RBM34: variants seen among roughly 807,000 people sequenced by gnomAD.
The protein encoded by RBM34 is RNA-binding protein 34.
In RBM34, 39 loss-of-function variants were observed where a neutral mutation model predicts 44.6. The ratio of observed to expected loss-of-function variants is 0.87; its 90% confidence interval spans 0.68 to 1.14. The LOEUF (loss-of-function observed/expected upper bound fraction) is 1.14. Among genes scored for constraint, RBM34 ranks in the 50% most tolerant of loss-of-function variants. The pLI is 0.00. For synonymous variants in RBM34, 194 were observed against 184.0 expected (o/e 1.05, Z -0.44); for missense variants, 572 against 517.9 (o/e 1.10, Z -1.01).
chr1:235,160,734 T>G (rs1662675754), intron 2 of RBM34, 87 bp from the exon 3 acceptor site: 5 of 1,520,642 alleles, frequency 3.3e-6, no homozygotes, highest in Non-Finnish European at 4.5e-6. Flanking sequence ...TAAATGAGAA[T>G]CTCTTCTCTC....
rs185627414 is a variant in RBM34 at position 235,138,106 on chromosome 1, G to A, written c.770C>T (p.Thr257Met). 2.5e-5 allele frequency: 41 copies of A among 1,609,268 alleles called. No homozygotes were observed. In the African/African-American group the frequency reaches 2.9e-4, roughly 12 times the overall value. Residue 257 changes from threonine (T) to methionine (M), a missense_variant, in exon 7 of 11, where the codon ACG becomes ATG. Transcript: ENST00000408888. ...YVVFKEESAA[T>M]QALKRNGAQI... The stretch of plus-strand genomic sequence containing the variant: ...ATAAAATTACCTTTTCAATGCTTGC[G>A]TGGCAGCACTCTCCTCCTTAAACAC...
At chr1:235,151,039 T>C (rs186685275) in intron 5 of RBM34, among the ~76,000 whole-genome samples, 36 of 152,220 alleles carry the variant, frequency 2.4e-4, no homozygotes, top group African/African-American at 8.2e-4. Context: ...CAGTGTTTTG[T>C]TGGACAAATT....
At chr1:235,139,064 A>G (rs1661564904) in intron 6 of RBM34, among the ~76,000 whole-genome samples, 1 of 152,158 alleles carries the variant, frequency 6.6e-6, no homozygotes, top group Non-Finnish European at 1.5e-5. Context: ...CCTTTTGTCA[A>G]TGACTGCAGC....
intron 6 of RBM34, among the ~76,000 whole-genome samples, chr1:235,145,212 C>T (rs957136652): frequency 2.0e-5 from 3 of 151,746 alleles, no homozygotes; most frequent in Non-Finnish European, 4.4e-5. Context: ...AAGATGCTCA[C>T]TCATAAGAGA....
intron 10 of RBM34, 33 bp from the exon 11 acceptor site, chr1:235,132,030 C>T (rs1388505736): frequency 2.0e-6 from 3 of 1,521,982 alleles, no homozygotes; most frequent in Non-Finnish European, 1.8e-6. Flanking sequence ...TTAATTGCTA[C>T]CAGAAACCCA....
Position 235,131,741 on chromosome 1 carries a change from C to T in RBM34, c.1265G>A (p.Arg422His), listed in dbSNP as rs777263723. 63 of 1,602,232 alleles carry T rather than the reference C, an allele frequency of 3.9e-5. No individual in the cohort carries two copies. The highest frequency in any genetic ancestry group is 1.7e-4 in the Middle Eastern group (1 of 5,988). Residue 422 changes from arginine (R) to histidine (H), a missense_variant, in exon 11 of 11, where the codon CGC (arginine) becomes CAC (histidine). Coordinates refer to ENST00000408888, the MANE Select transcript of RBM34 (RefSeq NM_015014.4). ...TKKKGQKKSG[R>H]PKKQRKQK is the part of the protein sequence containing the mutation. Reference sequence around the variant, plus strand: ...TTTCTGTTTTCTCTGTTTCTTAGGGCGTCCACTTTTCTTCTGTCCTTTCTT... The same window carrying T: ...TTTCTGTTTTCTCTGTTTCTTAGGGTGTCCACTTTTCTTCTGTCCTTTCTT...
At chr1:235,159,635 T>C (rs938390737) in intron 3 of RBM34, among the ~76,000 whole-genome samples, 12 of 151,744 alleles carry the variant, frequency 7.9e-5, no homozygotes, top group African/African-American at 2.9e-4. Flanking sequence ...TTTAGGAGGC[T>C]GAGGTGGGTG....
chr1:235,138,687 C>G (rs556954334), intron 6 of RBM34, among the ~76,000 whole-genome samples: 18 of 152,298 alleles, frequency 1.2e-4, no homozygotes, highest in African/African-American at 4.1e-4. Flanking sequence ...ACCACCATTC[C>G]CATTTTTATA....
At chr1:235,157,140 C>T (rs966860908) in intron 3 of RBM34, among the ~76,000 whole-genome samples, 9 of 152,068 alleles carry the variant, frequency 5.9e-5, no homozygotes, top group Admixed American at 2.6e-4. Flanking sequence ...TGAGGAGACA[C>T]TGAAGACTTT....
At chr1:235,149,255 G>A (rs148888287) in intron 5 of RBM34, among the ~76,000 whole-genome samples, 12,685 of 151,804 alleles carry the variant, frequency 0.084, 677 homozygotes, top group Middle Eastern at 0.13. Flanking sequence ...CAGACGTGGT[G>A]GCGGGCGCCT....
chr1:235,142,165 C>T (rs140103796), intron 6 of RBM34, among the ~76,000 whole-genome samples: 10 of 152,178 alleles, frequency 6.6e-5, no homozygotes, highest in South Asian at 6.2e-4. Context: ...TTGGCTGCCC[C>T]GGGAAAAAAG....
chr1:235,134,304 G>A (rs1037430201), intron 10 of RBM34, among the ~76,000 whole-genome samples: 17 of 152,014 alleles, frequency 1.1e-4, no homozygotes, highest in Non-Finnish European at 1.9e-4. Flanking sequence ...GATTACAGGC[G>A]TGAGCCACCG....
chr1:235,154,838 A>G (rs1337063803), intron 4 of RBM34, 43 bp downstream of exon 4: 4 of 1,488,040 alleles, frequency 2.7e-6, no homozygotes, highest in Admixed American at 1.7e-5. Flanking sequence ...CAGGAAGAAC[A>G]AAGTTATTAA....
chr1:235,133,884 A>G (rs934335549), intron 10 of RBM34, among the ~76,000 whole-genome samples: 2 of 152,112 alleles, frequency 1.3e-5, no homozygotes, highest in African/African-American at 4.8e-5. Context: ...TTGTTTTGAG[A>G]TAGGGTCTCA....
intron 10 of RBM34, among the ~76,000 whole-genome samples, chr1:235,134,144 C>A (rs1318797410): frequency 6.6e-6 from 1 of 152,156 alleles, no homozygotes; most frequent in Non-Finnish European, 1.5e-5. Flanking sequence ...TACCTCAGCT[C>A]CTCAAGTAAA....
At chr1:235,157,476 G>A (rs1662500498) in intron 3 of RBM34, among the ~76,000 whole-genome samples, 1 of 152,170 alleles carries the variant, frequency 6.6e-6, no homozygotes, top group South Asian at 2.1e-4. Flanking sequence ...AGAATGATGA[G>A]CTCCCAGTGG....
At chr1:235,135,990 A>G in intron 9 of RBM34, 44 bp downstream of exon 9, 4 of 1,447,070 alleles carry the variant, frequency 2.8e-6, no homozygotes, top group Non-Finnish European at 2.8e-6. Context: ...TTTCCTTGTT[A>G]TTTATTTAGT....
At chr1:235,141,829 C>T (rs1052001967) in intron 6 of RBM34, among the ~76,000 whole-genome samples, 2 of 152,094 alleles carry the variant, frequency 1.3e-5, no homozygotes, top group Non-Finnish European at 2.9e-5. Flanking sequence ...AGACCACGAA[C>T]CCACCAGAAG....
At chr1:235,144,105 T>C (rs1046895100) in intron 6 of RBM34, among the ~76,000 whole-genome samples, 1 of 151,694 alleles carries the variant, frequency 6.6e-6, no homozygotes, top group East Asian at 2.0e-4. Flanking sequence ...TGAGCCCAGG[T>C]GATAAGGCTG....
Sources: allele counts gnomAD v4.1 joint callset (sites outside exome capture counted in the v4.1 genomes callset), GRCh38; gene constraint gnomAD v4.1.1; transcripts MANE v1.5; gene names NCBI Gene and HGNC (gene_info 2026-07-23, HGNC 2026-07-21).